Variants in RNH1 observed in about 807,000 individuals in gnomAD.
RNH1 encodes the protein ribonuclease inhibitor.
Under a neutral mutation model 46.1 loss-of-function variants are expected in RNH1, and 38 were observed. That is an observed-to-expected ratio of 0.82 (90% CI 0.64 to 1.08). The LOEUF is 1.08. Ranked by LOEUF, RNH1 falls within the 50% of genes least tolerant of loss-of-function variation. The pLI is 0.00. For missense variants in RNH1, 577 were observed against 590.7 expected, an observed-to-expected ratio of 0.98 and a Z score of 0.24; for synonymous variants, 319 against 279.1, an observed-to-expected ratio of 1.14 and a Z score of -1.43.
chr11:500,229 T>C, intron 4 of RNH1: 1 of 661,356 alleles, frequency 1.5e-6, no homozygotes, highest in Non-Finnish European at 2.5e-6. Flanking sequence ...TGGGGGTCTG[T>C]GGTGATGCTG....
Position 494,579 on chromosome 11 carries a change from G to T in RNH1, c.*112C>A. On this transcript the variant is annotated 3_prime_UTR_variant, in exon 11 of 11. Transcript: ENST00000354420. ...TATACTGGCAGAAATAAGCGGATCTGAGCGTTTCTCTTCAAACCTAGGATA... is the reference window on the plus strand; with the variant it reads ...TATACTGGCAGAAATAAGCGGATCTTAGCGTTTCTCTTCAAACCTAGGATA... 2 of 895,238 alleles carry T rather than the reference G, an allele frequency of 2.2e-6. No individual in the cohort carries two copies. Among genetic ancestry groups the T allele is most frequent in the South Asian group, 1.4e-5 (1 of 71,986 alleles). 55.5% of individuals were successfully genotyped at this position (895,238 alleles called of 1,614,324 possible).
chr11:505,619 T>C (rs117187789), intron 1 of RNH1: 4,341 of 152,320 alleles, frequency 0.028, 99 homozygotes, highest in South Asian at 0.057. Flanking sequence ...ATAGCAGGGA[T>C]GAGAAAATAG....
Position 494,688 on chromosome 11 carries a change from G to A in RNH1, c.*3C>T. ...TCCAGGGAGAGCAGCAGCAGGAAGA[G>A]CCTCAGGAGATGACCCTCAGGGATG... On this transcript the variant is annotated 3_prime_UTR_variant, in exon 11 of 11. Coordinates refer to ENST00000354420, the MANE Select transcript of RNH1 (RefSeq NM_203387.3). The A allele has an allele frequency of 1.9e-6, 3 of 1,613,380 alleles. No homozygotes were observed. Among genetic ancestry groups the A allele is most frequent in the Non-Finnish European group, 2.5e-6 (3 of 1,179,656 alleles).
intron 5 of RNH1, 36 bp from the exon 6 acceptor site, chr11:499,221 G>A (rs779690177): frequency 1.2e-6 from 2 of 1,605,626 alleles, no homozygotes; most frequent in Admixed American, 1.7e-5. Context: ...ACACAGGAAT[G>A]TGCACCAGCC....
Position 500,576 on chromosome 11 carries a change from C to T in RNH1, c.180G>A (p.Glu60=), listed in dbSNP as rs774486804. Residue 60 remains glutamate (E), a synonymous_variant, in exon 4 of 11, where the codon GAG becomes GAA. Transcript: ENST00000354420. ...SALRVNPALA[E]LNLRSNELGD... is the part of the protein sequence containing the mutation. ...CCAGCTCGTTGCTGCGCAGGTTGAGCTCTGCCAGTGCAGGGTTGACTCGAA... is the reference window on the plus strand; with the variant it reads ...CCAGCTCGTTGCTGCGCAGGTTGAGTTCTGCCAGTGCAGGGTTGACTCGAA... The T allele has an allele frequency of 1.2e-6, 2 of 1,610,918 alleles. No individual in the cohort carries two copies. Among genetic ancestry groups the T allele is most frequent in the Non-Finnish European group, 1.7e-6 (2 of 1,180,008 alleles).
intron 9 of RNH1, among the ~76,000 whole-genome samples, chr11:495,519 T>TG (rs1015580486): frequency 2.0e-5 from 3 of 151,730 alleles, no homozygotes; most frequent in Admixed American, 6.6e-5. Flanking sequence ...CAAAAGAGGA[T>TG]GGGATAGAGA....
intron 2 of RNH1, chr11:504,507 C>A (rs74762369): frequency 0.22 from 32,738 of 152,018 alleles, 3,720 homozygotes; most frequent in African/African-American, 0.29. Context: ...AGCCTCCAGG[C>A]CGGGGCTGGC....
At chr11:506,675 G>A (rs1281528261) in intron 1 of RNH1, 2 of 152,350 alleles carry the variant, frequency 1.3e-5, no homozygotes. Flanking sequence ...CTTCCCGGGA[G>A]GCCGCTTCTT....
rs1447233219 is a variant in RNH1 at position 501,166 on chromosome 11, G to C, written c.102-512C>G. Reference sequence around the variant, plus strand: ...AAGTATCTCTCGAAGGCACTGATCAGTCACAGGAGGAAAGGCAGTGGCGTC... The same window carrying C: ...AAGTATCTCTCGAAGGCACTGATCACTCACAGGAGGAAAGGCAGTGGCGTC... On this transcript the variant is annotated intron_variant, in intron 3 of 10. Transcript: ENST00000354420. The surrounding 1 kb of genome is among the most constrained non-coding windows in gnomAD (Gnocchi z 4.1). The C allele has an allele frequency of 4.0e-6, 1 of 252,218 alleles. No homozygotes were observed. Among genetic ancestry groups the C allele is most frequent in the Non-Finnish European group, 7.9e-6 (1 of 126,772 alleles). The allele number at this position is 252,218 out of a possible 1,614,324, so 15.6% of individuals were successfully genotyped here.
Position 495,070 on chromosome 11 carries a change from G to A in RNH1, c.1128-17C>T, listed in dbSNP as rs772467677. 2.7e-4 allele frequency: 424 copies of A among 1,598,570 alleles called. No homozygotes were observed. The highest frequency in any genetic ancestry group is 3.4e-4 in the Non-Finnish European group (404 of 1,174,208). On this transcript the variant is annotated splice_polypyrimidine_tract_variant and intron_variant, in intron 9 of 10. Transcript: ENST00000354420. ...TCGGCCAACCTGGGTGAAGCAGGGC[G>A]GGGGTCAGGGTGCCGGGCGTGCCTG... is the stretch of plus-strand genomic sequence containing the variant.
In RNH1 at chr11:500,004, A is replaced by G; in HGVS notation, c.273-5T>C. Reference sequence around the variant, plus strand: ...GTCAGGCAGCAGTTCTGGAGGCTGGAGCATACCTGGCTGTCAGCAGGGCTC... The same window carrying G: ...GTCAGGCAGCAGTTCTGGAGGCTGGGGCATACCTGGCTGTCAGCAGGGCTC... On this transcript the variant is annotated splice_region_variant and splice_polypyrimidine_tract_variant and intron_variant, in intron 4 of 10. Transcript: ENST00000354420. 1 of 1,547,196 alleles carries G rather than the reference A, an allele frequency of 6.5e-7. No individual in the cohort carries two copies. The highest frequency in any genetic ancestry group is 8.7e-7 in the Non-Finnish European group (1 of 1,148,108).
rs1227543533 is a variant in RNH1, at chr11:507,240, T to TTCGAGCCGGCTCGTGGGCGTGG, written c.-389_-388insCCACGCCCACGAGCCGGCTCGA. 1 of 152,066 alleles carries TTCGAGCCGGCTCGTGGGCGTGG rather than the reference T, an allele frequency of 6.6e-6. No individual in the cohort carries two copies. The allele number at this position is 152,066 out of a possible 1,614,324, so 9.4% of individuals were successfully genotyped here. A position where few individuals can be genotyped will look rare whatever the true frequency, so the allele number is the denominator to read the frequency against. On this transcript the variant is annotated 5_prime_UTR_variant, in exon 1 of 11. Transcript: ENST00000354420. The stretch of plus-strand genomic sequence containing the variant: ...CCCGCCAGTCAGCGGCGCGGGCGTG[T>TTCGAGCCGGCTCGTGGGCGTGG]TCGAGCCGGCTCGTGGGCGTGGTCA...
chr11:503,969 C>G (rs1010414531), intron 2 of RNH1, among the ~76,000 whole-genome samples: 1 of 152,236 alleles, frequency 6.6e-6, no homozygotes, highest in Non-Finnish European at 1.5e-5. Flanking sequence ...GCTCCCTACA[C>G]AGCCAAAGCT....
At chr11:495,180 G>A in intron 9 of RNH1, 127 bp from the exon 10 acceptor site, 2 of 959,140 alleles carry the variant, frequency 2.1e-6, no homozygotes, top group South Asian at 1.5e-5. Flanking sequence ...CTCAGGTGGG[G>A]CCGTCCCCAA....
intron 6 of RNH1, 30 bp downstream of exon 6, chr11:498,985 C>G (rs780361190): frequency 1.2e-6 from 2 of 1,611,720 alleles, no homozygotes; most frequent in South Asian, 2.2e-5. Context: ...CTAGCCCACA[C>G]CCCGCACCCC....
At position 499,820 on chromosome 11, in the gene RNH1, C is replaced by A. The variant is rs774265363; in HGVS notation, c.443+9G>T. ...CCAGCATGGGCCCTGGGGCAGGACA[C>A]AAACTCACTGCAGCTTTTCCAGGCG... On this transcript the variant is annotated intron_variant, in intron 5 of 10. Coordinates refer to ENST00000354420, the MANE Select transcript of RNH1 (RefSeq NM_203387.3). 2.5e-6 allele frequency: 4 copies of A among 1,603,248 alleles called. No individual in the cohort carries two copies. The East Asian group carries it at 6.7e-5, about 27-fold the overall frequency.
Position 502,589 on chromosome 11 carries a change from C to T in RNH1, c.-87-340G>A, listed in dbSNP as rs528592905. 5.6e-5 allele frequency: 13 copies of T among 230,926 alleles called. No individual in the cohort carries two copies. Among genetic ancestry groups the T allele is most frequent in the Non-Finnish European group, 8.8e-5 (10 of 113,366 alleles). The allele number at this position is 230,926 out of a possible 1,614,324, so 14.3% of individuals were successfully genotyped here. A position where few individuals can be genotyped will look rare whatever the true frequency, so the allele number is the denominator to read the frequency against. On this transcript the variant is annotated intron_variant, in intron 2 of 10. Coordinates refer to ENST00000354420, the MANE Select transcript of RNH1 (RefSeq NM_203387.3). This position sits in a 1 kb window ranked among gnomAD's most constrained non-coding sequence, Gnocchi z 5.8. ...GTGGGGTGGTCTGTGAGCCTGGAGGCCCCAGCAGGGGAGCAAGGGGGTCTG... is the reference window on the plus strand; with the variant it reads ...GTGGGGTGGTCTGTGAGCCTGGAGGTCCCAGCAGGGGAGCAAGGGGGTCTG...
chr11:494,738 G>A lies in RNH1; in HGVS notation c.1339C>T (p.Leu447=), dbSNP rs765350759. 17 of 1,614,004 alleles carry A rather than the reference G, an allele frequency of 1.1e-5. No individual in the cohort carries two copies. The highest frequency in any genetic ancestry group is 1.4e-5 in the Non-Finnish European group (16 of 1,179,986). The part of the protein sequence containing the change: ...IYWSEEMEDR[L]QALEKDKPSL... Reference sequence around the variant, plus strand: ...GGCTTGTCCTTCTCCAGGGCCTGCAGCCGGTCCTCCATCTCCTCAGACCAG... The same window carrying A: ...GGCTTGTCCTTCTCCAGGGCCTGCAACCGGTCCTCCATCTCCTCAGACCAG... Residue 447 remains leucine (L), a synonymous_variant, in exon 11 of 11, where the codon CTG becomes TTG. Transcript: ENST00000354420.
chr11:499,348 G>A (rs1295596403), intron 5 of RNH1, 163 bp from the exon 6 acceptor site: 10 of 736,002 alleles, frequency 1.4e-5, no homozygotes, highest in Non-Finnish European at 2.2e-5. Context: ...AGAGGCCCGG[G>A]CCTCTGTGGA....
Sources: allele counts gnomAD v4.1 joint callset (sites outside exome capture counted in the v4.1 genomes callset), GRCh38; gene constraint gnomAD v4.1.1; non-coding constraint Gnocchi (gnomAD v3.1); transcripts MANE v1.5; gene names NCBI Gene and HGNC (gene_info 2026-07-23, HGNC 2026-07-21).